The following SPTBN5 variants were observed in gnomAD, a reference collection of about 807,000 sequenced individuals.
The protein encoded by SPTBN5 is spectrin beta chain, non-erythrocytic 5.
SPTBN5 carries 513 observed loss-of-function variants against 477.6 expected under a neutral mutation model. That is an observed-to-expected ratio of 1.07 (90% CI 1.00 to 1.16). The LOEUF is 1.16. Among genes scored for constraint, SPTBN5 ranks in the 50% most tolerant of loss-of-function variants. The pLI, the probability that SPTBN5 is intolerant of heterozygous loss-of-function variation, is 0.00. For missense variants in SPTBN5, 5,062 were observed against 4,731.8 expected (o/e 1.07, Z -2.05); for synonymous variants, 2,169 against 2,011.7 (o/e 1.08, Z -2.09).
rs1487254092 is a variant in SPTBN5, at chr15:41,867,053, TGCA to T, written c.6383_6385del (p.Leu2128del). 1 of 1,551,368 alleles carries T rather than the reference TGCA, an allele frequency of 6.4e-7. No individual in the cohort carries two copies. The highest frequency in any genetic ancestry group is 2.4e-5 in the East Asian group (1 of 41,124). Reference sequence around the variant, plus strand: ...CAGCTCCTTCACTCTCATCCGGCGCTGCAGCAGGATGGGAAGCCGGTCCCGCAC... The same window carrying T: ...CAGCTCCTTCACTCTCATCCGGCGCTGCAGGATGGGAAGCCGGTCCCGCAC... On this transcript the variant is annotated inframe_deletion, in exon 36 of 68. Transcript: ENST00000320955.
intron 67 of SPTBN5, among the ~76,000 whole-genome samples, chr15:41,849,119 C>T (rs575201361): frequency 4.9e-4 from 75 of 152,264 alleles, no homozygotes; most frequent in South Asian, 1.0e-3. Context: ...GGCCCATGCA[C>T]GGAGGATTTG....
At chr15:41,892,294 GC>G (rs1261801830) in intron 3 of SPTBN5, among the ~76,000 whole-genome samples, 6 of 152,000 alleles carry the variant, frequency 3.9e-5, no homozygotes, top group Non-Finnish European at 5.9e-5. Context: ...TGATCCCTTT[GC>G]CCCACCCCAC....
At position 41,881,264 on chromosome 15, in the gene SPTBN5, G is replaced by C. The variant is rs748930728; in HGVS notation, c.2458-30C>G. ...GTGACAAAGGGCAGCGCGTCTACAG[G>C]CGACCCCATCAAGCAGCAGGGGCTT... is the stretch of plus-strand genomic sequence containing the variant. On this transcript the variant is annotated intron_variant, in intron 12 of 67. Coordinates refer to ENST00000320955, the MANE Select transcript of SPTBN5 (RefSeq NM_016642.4). 7.7e-6 allele frequency: 12 copies of C among 1,562,686 alleles called. No homozygotes were observed. In the Middle Eastern group the frequency reaches 7.1e-4, roughly 93 times the overall value.
chr15:41,881,343 G>T, intron 12 of SPTBN5, 109 bp from the exon 13 acceptor site: 2 of 875,634 alleles, frequency 2.3e-6, no homozygotes, highest in Non-Finnish European at 3.5e-6. Flanking sequence ...CTGAGCTGTA[G>T]CTCAAAGGGT....
rs1434283214 is a variant in SPTBN5 at position 41,849,913 on chromosome 15, C to G, written c.10968G>C (p.Leu3656=). 2 of 1,596,474 alleles carry G rather than the reference C, an allele frequency of 1.3e-6. No homozygotes were observed. The highest frequency in any genetic ancestry group is 1.3e-5 in the African/African-American group (1 of 74,624). The change falls in exon 67 of 68, where the codon CTG becomes CTC. Residue 3656 remains leucine, a synonymous_variant. Transcript: ENST00000320955. ...GGGCATCCTTGGTCGTGCACTCATTCAGAGAGCTGACAGGTTTGGCTTTGA... is the reference window on the plus strand; with the variant it reads ...GGGCATCCTTGGTCGTGCACTCATTGAGAGAGCTGACAGGTTTGGCTTTGA... ...PKLKAKPVSS[L]NECTTKDARP...
chr15:41,887,764 T>C (rs1440638085), intron 5 of SPTBN5, among the ~76,000 whole-genome samples, 164 bp downstream of exon 5: 1 of 152,108 alleles, frequency 6.6e-6, no homozygotes, highest in Non-Finnish European at 1.5e-5. Context: ...CTCATGGCAT[T>C]GTCTAGGGAA....
chr15:41,858,487 G>T, intron 49 of SPTBN5, 115 bp downstream of exon 49: 2 of 1,305,638 alleles, frequency 1.5e-6, no homozygotes, highest in African/African-American at 1.5e-5. Flanking sequence ...CCTGCATGCA[G>T]AAAGTACTGG....
rs545452983 is a variant in SPTBN5, at chr15:41,892,782, C to G, written c.384+112G>C. 2.1e-4 allele frequency: 267 copies of G among 1,273,238 alleles called. 1 individual carries two copies. In the African/African-American group the frequency reaches 3.6e-3, roughly 17 times the overall value. 78.9% of individuals were successfully genotyped at this position (1,273,238 alleles called of 1,614,324 possible). Reference sequence around the variant, plus strand: ...CAGCCACTCCTCCTGTACTCAGGCCCCAGCTCCTCTGTTCTGCCCAGTGGC... The same window carrying G: ...CAGCCACTCCTCCTGTACTCAGGCCGCAGCTCCTCTGTTCTGCCCAGTGGC... On this transcript the variant is annotated intron_variant, in intron 3 of 67. Transcript: ENST00000320955.
chr15:41,869,383 T>C (rs2066453384), intron 32 of SPTBN5, among the ~76,000 whole-genome samples: 1 of 152,182 alleles, frequency 6.6e-6, no homozygotes, highest in South Asian at 2.1e-4. Context: ...ATTCTCTGGG[T>C]TTCGGGCTCA....
intron 36 of SPTBN5, 183 bp from the exon 37 acceptor site, chr15:41,866,676 T>G: frequency 1.3e-6 from 1 of 791,782 alleles, no homozygotes; most frequent in Non-Finnish European, 1.9e-6. Flanking sequence ...GGCAGGGCCT[T>G]GGGTGGGCTC....
rs761948095 is a variant in SPTBN5 at position 41,866,353 on chromosome 15, A to G, written c.6621T>C (p.Ser2207=). 1 of 1,596,078 alleles carries G rather than the reference A, an allele frequency of 6.3e-7. No homozygotes were observed. The highest frequency in any genetic ancestry group is 1.7e-4 in the Middle Eastern group (1 of 5,992). ...AGGGCCCGGTTGTTACCTTGGCAAC[A>G]GAGGTCATGACCTCCTCATGGGCCT... ...EVQAHEEVMT[S]VAKKGEALLA... The change falls in exon 37 of 68, where the codon TCT becomes TCC. Residue 2207 remains serine (S), a synonymous_variant. Coordinates refer to ENST00000320955, the MANE Select transcript of SPTBN5 (RefSeq NM_016642.4).
At chr15:41,876,693 C>T in intron 19 of SPTBN5, 46 bp from the exon 20 acceptor site, 2 of 1,568,746 alleles carry the variant, frequency 1.3e-6, no homozygotes, top group Non-Finnish European at 1.7e-6. Flanking sequence ...AGAGGACTCC[C>T]ACCCCAGCAC....
intron 17 of SPTBN5, 83 bp from the exon 18 acceptor site, chr15:41,877,439 C>T: frequency 6.7e-7 from 1 of 1,497,448 alleles, no homozygotes; most frequent in South Asian, 1.3e-5. Context: ...AGGGTTCACG[C>T]ATCTTGGATC....
intron 60 of SPTBN5, 38 bp downstream of exon 60, chr15:41,852,786 A>AG: frequency 6.3e-7 from 1 of 1,590,910 alleles, no homozygotes; most frequent in Non-Finnish European, 8.6e-7. Flanking sequence ...GGGGGCCCAG[A>AG]GCCTGGTAGC....
At chr15:41,873,726 C>T (rs1392307704) in intron 25 of SPTBN5, 118 bp from the exon 26 acceptor site, 1 of 1,471,138 alleles carries the variant, frequency 6.8e-7, no homozygotes, top group Non-Finnish European at 9.3e-7. Context: ...TAGGGGCACC[C>T]ATCAGCTCCC....
At chr15:41,888,439 TG>T (rs1301638953) in intron 4 of SPTBN5, among the ~76,000 whole-genome samples, 2 of 152,222 alleles carry the variant, frequency 1.3e-5, no homozygotes, top group African/African-American at 4.8e-5. Flanking sequence ...CATGGGATTG[TG>T]GCTGGGCTTC....
intron 61 of SPTBN5, 82 bp from the exon 62 acceptor site, chr15:41,852,398 C>T: frequency 6.8e-7 from 1 of 1,479,786 alleles, no homozygotes; most frequent in Non-Finnish European, 9.1e-7. Flanking sequence ...CCTCCCCTCC[C>T]CCAGCCCTCC....
rs1421252399 is a variant in SPTBN5 at position 41,862,520 on chromosome 15, A to G, written c.7385+19T>C. 6.3e-7 allele frequency: 1 copy of G among 1,578,044 alleles called. No homozygotes were observed. On this transcript the variant is annotated intron_variant, in intron 43 of 67. Coordinates refer to ENST00000320955, the MANE Select transcript of SPTBN5 (RefSeq NM_016642.4). ...TGCTGGAGGATGGGTCGGCGAGGGC[A>G]AGGCCTGCGGGTTCATACCGCTTCT...
chr15:41,853,901 G>A, intron 57 of SPTBN5, 114 bp from the exon 58 acceptor site: 2 of 1,425,416 alleles, frequency 1.4e-6, no homozygotes, highest in East Asian at 2.5e-5. Flanking sequence ...TGCACAAGCT[G>A]GGCCAAGTCC....
Sources: gnomAD v4.1 joint callset for allele counts (sites outside exome capture counted in the v4.1 genomes callset) on GRCh38, gnomAD v4.1.1 for gene constraint, MANE v1.5 for transcripts, NCBI Gene and HGNC (gene_info 2026-07-23, HGNC 2026-07-21) for gene names.